DLG2: variants seen among roughly 807,000 people sequenced by gnomAD.
DLG2 encodes the protein disks large homolog 2.
A neutral mutation model predicts 132.5 loss-of-function variants in DLG2; 45 were observed. The observed-to-expected ratio is 0.34, with a 90% CI of 0.27 to 0.44. The LOEUF is 0.44. Ranked by LOEUF, DLG2 falls within the 20% of genes least tolerant of loss-of-function variation. The probability of loss-of-function intolerance (pLI) is 1.00; values close to 1 mark genes in which losing one functional copy is unlikely to be tolerated. For synonymous variants in DLG2, 424 were observed against 419.6 expected, an observed-to-expected ratio of 1.01 and a Z score of -0.13; for missense variants, 1,045 against 1,196.9, an observed-to-expected ratio of 0.87 and a Z score of 1.87.
chr11:85,204,868 A>G (rs555250570), intron 4 of DLG2, among the ~76,000 whole-genome samples: 2 of 152,240 alleles, frequency 1.3e-5, no homozygotes, highest in Non-Finnish European at 2.9e-5. Flanking sequence ...AGAATCCAGA[A>G]ATAAATCCAC....
intron 5 of DLG2, chr11:85,132,673 T>G: frequency 2.2e-6 from 1 of 455,242 alleles, no homozygotes; most frequent in Non-Finnish European, 4.4e-6. Context: ...TTTTCTCTCA[T>G]GAACTGGCAG....
intron 6 of DLG2, among the ~76,000 whole-genome samples, chr11:84,592,657 G>C (rs1160483845): frequency 6.6e-6 from 1 of 151,866 alleles, no homozygotes; most frequent in Non-Finnish European, 1.5e-5. Context: ...AGTGGGCAAA[G>C]TATATGAACA....
intron 7 of DLG2, chr11:84,316,689 G>T: frequency 1.0e-6 from 1 of 962,786 alleles, no homozygotes; most frequent in Non-Finnish European, 1.5e-6. Flanking sequence ...GAAAATGACA[G>T]GTTTTTCTTG....
At chr11:85,077,091 C>G (rs762015242) in intron 6 of DLG2, among the ~76,000 whole-genome samples, 1 of 151,770 alleles carries the variant, frequency 6.6e-6, no homozygotes, top group Middle Eastern at 3.3e-3. Context: ...ATCTGTGTAA[C>G]CACAGACTAG....
In DLG2 at chr11:85,458,914, G is replaced by T. The variant is rs190405075; in HGVS notation, c.40+139743C>A. 4.3e-4 allele frequency among the ~76,000 whole-genome samples: 66 copies of T among 152,302 alleles called. 1 individual carries two copies. Among genetic ancestry groups the T allele is most frequent in the African/African-American group, 1.6e-3 (66 of 41,558 alleles). ...CAGAAGGGGAAGGGATCTTAGCAGT[G>T]GTTATGGCAGAGAGCCTTTCACTTG... On this transcript the variant is annotated intron_variant, in intron 3 of 27. Transcript: ENST00000376104.
intron 22 of DLG2, among the ~76,000 whole-genome samples, chr11:83,481,417 TATAA>T (rs1198820269): frequency 1.3e-5 from 2 of 152,138 alleles, no homozygotes; most frequent in African/African-American, 2.4e-5. Flanking sequence ...TGAAGCTCAC[TATAA>T]ATAACATCAG....
chr11:84,114,604 C>T (rs1335901304), intron 9 of DLG2, among the ~76,000 whole-genome samples: 1 of 152,140 alleles, frequency 6.6e-6, no homozygotes, highest in Non-Finnish European at 1.5e-5. Flanking sequence ...AAAGATTTTT[C>T]AATATGATGT....
chr11:84,786,554 T>C (rs968352850), intron 6 of DLG2, among the ~76,000 whole-genome samples: 6 of 152,176 alleles, frequency 3.9e-5, no homozygotes, highest in African/African-American at 1.4e-4. Flanking sequence ...AGCTCCCTAT[T>C]TCTCTGTTCC....
At chr11:84,334,266 C>T (rs185154536) in intron 7 of DLG2, among the ~76,000 whole-genome samples, 36 of 152,198 alleles carry the variant, frequency 2.4e-4, no homozygotes, top group Admixed American at 8.5e-4. Context: ...GAAACTAATG[C>T]TCATCTTTTT....
At chr11:85,567,299 T>C (rs2077583479) in intron 3 of DLG2, among the ~76,000 whole-genome samples, 1 of 152,230 alleles carries the variant, frequency 6.6e-6, no homozygotes, top group Admixed American at 6.5e-5. Flanking sequence ...TTCCAACCCA[T>C]GAACATAAAA....
chr11:83,895,775 G>A (rs1372990285), intron 15 of DLG2, among the ~76,000 whole-genome samples: 2 of 152,186 alleles, frequency 1.3e-5, no homozygotes, highest in Non-Finnish European at 2.9e-5. Context: ...ACCCAGGCAT[G>A]TCCTCATCAA....
At chr11:85,525,372 G>T (rs1331887514) in intron 3 of DLG2, among the ~76,000 whole-genome samples, 1 of 152,014 alleles carries the variant, frequency 6.6e-6, no homozygotes, top group African/African-American at 2.4e-5. Context: ...TGAAACTAAG[G>T]TTTTCATTAT....
At chr11:85,344,485 T>C (rs2082699387) in intron 3 of DLG2, among the ~76,000 whole-genome samples, 1 of 152,194 alleles carries the variant, frequency 6.6e-6, no homozygotes, top group African/African-American at 2.4e-5. Flanking sequence ...TGATAACTAC[T>C]TCATATAAAG....
chr11:85,169,299 T>C (rs909713678), intron 4 of DLG2, among the ~76,000 whole-genome samples: 1 of 152,164 alleles, frequency 6.6e-6, no homozygotes, highest in African/African-American at 2.4e-5. Flanking sequence ...GTCTATAATA[T>C]GCTATCTTCC....
chr11:85,111,636 C>G (rs1328871545), intron 6 of DLG2, 25 bp downstream of exon 6: 2 of 1,519,510 alleles, frequency 1.3e-6, no homozygotes, highest in Non-Finnish European at 1.8e-6. Flanking sequence ...CTTCAATCTG[C>G]TAATCTTGGA....
intron 6 of DLG2, among the ~76,000 whole-genome samples, chr11:84,900,092 T>C (rs575900247): frequency 6.6e-6 from 1 of 152,174 alleles, no homozygotes; most frequent in South Asian, 2.1e-4. Flanking sequence ...TGGCTGGTGG[T>C]AAGAAATGCT....
chr11:84,246,257 A>C (rs944031514), intron 8 of DLG2, among the ~76,000 whole-genome samples: 22 of 152,224 alleles, frequency 1.4e-4, no homozygotes, highest in African/African-American at 5.3e-4. Flanking sequence ...TTCTATTCTG[A>C]GTAGTATGAT....
Position 83,973,741 on chromosome 11 carries a change from A to T in DLG2, c.1056+6765T>A, listed in dbSNP as rs575823425. ...TAAAATGAAGCATGATCCCTACCCC[A>T]GAAATCCAGATTTGATTATTCAGGG... On this transcript the variant is annotated intron_variant, in intron 12 of 27. Transcript: ENST00000376104. 7.9e-5 allele frequency among the ~76,000 whole-genome samples: 12 copies of T among 152,162 alleles called. No homozygotes were observed. In the East Asian group the frequency reaches 2.1e-3, roughly 27 times the overall value.
intron 6 of DLG2, among the ~76,000 whole-genome samples, chr11:85,016,920 C>T (rs2059622530): frequency 6.6e-6 from 1 of 152,184 alleles, no homozygotes. Context: ...CTGTTCTGCT[C>T]TCCCATCTAT....
Sources: allele counts gnomAD v4.1 joint callset (sites outside exome capture counted in the v4.1 genomes callset), GRCh38; gene constraint gnomAD v4.1.1; transcripts MANE v1.5; gene names NCBI Gene and HGNC (gene_info 2026-07-23, HGNC 2026-07-21).